KIR3DL1: variants seen among roughly 807,000 people sequenced by gnomAD.
KIR3DL1 encodes killer cell immunoglobulin like receptor, three Ig domains and long cytoplasmic tail 1, also known as killer cell immunoglobulin-like receptor 3DL1.
KIR3DL1 carries 50 observed loss-of-function variants against 40.3 expected under a neutral mutation model. The observed-to-expected ratio is 1.24, with a 90% confidence interval of 0.99 to 1.57. The LOEUF (loss-of-function observed/expected upper bound fraction) is 1.57, where lower values mean the gene tolerates loss of function less well. Ranked by LOEUF, KIR3DL1 falls within the 40% of genes most tolerant of loss-of-function variation. The probability of loss-of-function intolerance (pLI) is 0.00; values close to 1 mark genes in which losing one functional copy is unlikely to be tolerated. For synonymous variants in KIR3DL1, 257 were observed against 207.2 expected (o/e 1.24, Z -2.07); for missense variants, 661 against 559.9 (o/e 1.18, Z -1.82).
intron 7 of KIR3DL1, 51 bp downstream of exon 7, chr19:54,829,516 A>C: frequency 2.3e-6 from 3 of 1,332,954 alleles, no homozygotes; most frequent in Non-Finnish European, 3.1e-6. Context: ...GTGGGGAAGC[A>C]GGATGGGAGC....
Position 54,819,593 on chromosome 19 carries a change from C to A in KIR3DL1, c.356-120C>A, listed in dbSNP as rs543906385. ...AGGGGATATGGGCACAGAAAAGACA[C>A]GGAGATGCAGAGAGGGAGGAGAGAG... On this transcript the variant is annotated intron_variant, in intron 3 of 8. Transcript: ENST00000391728. 5.7e-6 allele frequency: 7 copies of A among 1,218,096 alleles called. No homozygotes were observed. The East Asian group carries it at 1.0e-4, about 18-fold the overall frequency. The allele number at this position is 1,218,096 out of a possible 1,614,324, so 75.5% of individuals were successfully genotyped here.
intron 5 of KIR3DL1, among the ~76,000 whole-genome samples, chr19:54,823,432 T>G (rs1468170825): frequency 6.6e-6 from 1 of 151,140 alleles, no homozygotes; most frequent in Non-Finnish European, 1.5e-5. Context: ...CTCCTTTCTC[T>G]ACCATCTTGC....
At chr19:54,827,765 G>A (rs371420481) in intron 6 of KIR3DL1, among the ~76,000 whole-genome samples, 3 of 149,336 alleles carry the variant, frequency 2.0e-5, no homozygotes, top group South Asian at 2.2e-4. Flanking sequence ...AACCTCTTCC[G>A]TATTTGGCTT....
rs1314678634 is a variant in KIR3DL1, at chr19:54,819,954, T to C, written c.597T>C (p.Val199=). The change falls in exon 4 of 9, where the codon GTT becomes GTC. Residue 199 remains valine (V), a synonymous_variant. Coordinates refer to ENST00000391728, the Ensembl canonical transcript of KIR3DL1. ...GGACCTACAGATGCTACGGTTCTGTTACTCACACCCCCTATCAGTTGTCAG... is the reference window on the plus strand; with the variant it reads ...GGACCTACAGATGCTACGGTTCTGTCACTCACACCCCCTATCAGTTGTCAG... 14 of 1,611,844 alleles carry C rather than the reference T, an allele frequency of 8.7e-6. No homozygotes were observed. In the East Asian group the frequency reaches 3.1e-4, roughly 36 times the overall value.
intron 4 of KIR3DL1, 95 bp from the exon 5 acceptor site, chr19:54,821,470 G>T (rs2061629555): frequency 5.1e-6 from 7 of 1,382,798 alleles, no homozygotes; most frequent in Non-Finnish European, 6.9e-6. Context: ...GAGAGCATTA[G>T]GTCATAGAGC....
chr19:54,822,790 C>T (rs1458355574), intron 5 of KIR3DL1, among the ~76,000 whole-genome samples: 1 of 146,904 alleles, frequency 6.8e-6, no homozygotes, highest in African/African-American at 2.6e-5. Context: ...CCAGTTCCAT[C>T]CATGTGGCTG....
chr19:54,825,191 C>A (rs1601394687), intron 6 of KIR3DL1, 113 bp downstream of exon 6: 1 of 775,384 alleles, frequency 1.3e-6, no homozygotes, highest in Non-Finnish European at 2.3e-6. Flanking sequence ...CTGTCTTCCA[C>A]CATCTCTGAA....
intron 3 of KIR3DL1, among the ~76,000 whole-genome samples, chr19:54,818,864 G>A (rs2061490732): frequency 2.0e-5 from 3 of 150,892 alleles, no homozygotes; most frequent in South Asian, 4.2e-4. Flanking sequence ...TTGATGAGTT[G>A]ACCTTGAGAT....
chr19:54,818,564 C>T (rs143159382), exon 3 of KIR3DL1: 241,965 of 1,609,516 alleles, frequency 0.15, 22,238 homozygotes, highest in Non-Finnish European at 0.17. Context: ...ACTGGGTGGT[C>T]GGCACCCAGC....
At chr19:54,817,631 G>T (rs2061417733) in intron 2 of KIR3DL1, 62 bp downstream of exon 2, 2 of 1,354,282 alleles carry the variant, frequency 1.5e-6, no homozygotes, top group East Asian at 2.8e-5. Flanking sequence ...TCCTGAAATG[G>T]GAGGGAAGTC....
At chr19:54,820,196 T>A (rs994689886) in intron 4 of KIR3DL1, among the ~76,000 whole-genome samples, 184 bp downstream of exon 4, 2 of 151,012 alleles carry the variant, frequency 1.3e-5, no homozygotes, top group African/African-American at 4.9e-5. Context: ...ACAGGTGTCA[T>A]AACAGAGGAC....
chr19:54,827,476 G>C (rs1298165392), intron 6 of KIR3DL1, among the ~76,000 whole-genome samples: 5 of 150,390 alleles, frequency 3.3e-5, no homozygotes, highest in Non-Finnish European at 7.4e-5. Context: ...GCCGAGCATG[G>C]TGGTGCATCC....
At chr19:54,826,139 G>C (rs746092039) in intron 6 of KIR3DL1, among the ~76,000 whole-genome samples, 1 of 150,486 alleles carries the variant, frequency 6.6e-6, no homozygotes, top group Non-Finnish European at 1.5e-5. Flanking sequence ...GGACATTTTG[G>C]GGTGGGACAG....
At chr19:54,828,362 C>G (rs1161273538) in intron 6 of KIR3DL1, among the ~76,000 whole-genome samples, 12 of 151,418 alleles carry the variant, frequency 7.9e-5, no homozygotes, top group Non-Finnish European at 1.2e-4. Flanking sequence ...CTAAACACCT[C>G]CTGGACTGCA....
At chr19:54,823,044 TC>T (rs1332276159) in intron 5 of KIR3DL1, among the ~76,000 whole-genome samples, 1 of 147,818 alleles carries the variant, frequency 6.8e-6, no homozygotes, top group African/African-American at 2.5e-5. Flanking sequence ...TTTTTTTTTT[TC>T]TTTTTTGAGA....
At chr19:54,821,224 A>AAATAGATAGATCAATAGAT (rs377345227) in intron 4 of KIR3DL1, among the ~76,000 whole-genome samples, 10 of 148,572 alleles carry the variant, frequency 6.7e-5, no homozygotes, top group Non-Finnish European at 1.0e-4. Context: ...CAAAATAGAT[A>AAATAGATAGATCAATAGAT]AATAGATAGA....
intron 6 of KIR3DL1, 121 bp downstream of exon 6, chr19:54,825,199 G>A: frequency 1.3e-6 from 1 of 764,948 alleles, no homozygotes; most frequent in Non-Finnish European, 2.3e-6. Flanking sequence ...CACCATCTCT[G>A]AACTCCAGAC....
At chr19:54,822,478 A>T (rs1415416692) in intron 5 of KIR3DL1, among the ~76,000 whole-genome samples, 1 of 150,432 alleles carries the variant, frequency 6.6e-6, no homozygotes, top group Non-Finnish European at 1.5e-5. Flanking sequence ...GACAAGAAAA[A>T]TTAGCCGAGC....
chr19:54,820,005 G>A, exon 4 of KIR3DL1: 3 of 1,609,854 alleles, frequency 1.9e-6, no homozygotes, highest in Admixed American at 1.7e-5. Context: ...TGGACATCGT[G>A]GTCACAGGTG....
Sources: gnomAD v4.1 joint callset for allele counts (sites outside exome capture counted in the v4.1 genomes callset) on GRCh38, gnomAD v4.1.1 for gene constraint, MANE v1.5 for transcripts, NCBI Gene and HGNC (gene_info 2026-07-23, HGNC 2026-07-21) for gene names.